Variants in XRCC4 observed in about 807,000 individuals in gnomAD.
The protein encoded by XRCC4 is X-ray repair cross complementing 4.
XRCC4 carries 28 observed loss-of-function variants against 39.1 expected under a neutral mutation model. That is an observed-to-expected ratio of 0.72 (90% CI 0.53 to 0.98). The LOEUF (loss-of-function observed/expected upper bound fraction) is 0.98, where lower values mean the gene tolerates loss of function less well. XRCC4 is among the 50% of genes least tolerant of loss of function. XRCC4 has a pLI of 0.00. For missense variants in XRCC4, 350 were observed against 376.4 expected (o/e 0.93, Z 0.58); for synonymous variants, 123 against 126.4 (o/e 0.97, Z 0.18).
At chr5:83,241,792 A>G (rs775614115) in intron 6 of XRCC4, among the ~76,000 whole-genome samples, 54 of 152,306 alleles carry the variant, frequency 3.5e-4, no homozygotes, top group Non-Finnish European at 6.5e-4. Flanking sequence ...ATACTATTAT[A>G]TATTCTTACA....
At chr5:83,236,453 A>G (rs903322962) in intron 6 of XRCC4, among the ~76,000 whole-genome samples, 3 of 152,164 alleles carry the variant, frequency 2.0e-5, no homozygotes, top group African/African-American at 7.2e-5. Flanking sequence ...AAGGTCACCA[A>G]GAACATACAT....
At chr5:83,133,584 A>C (rs1747719553) in intron 3 of XRCC4, among the ~76,000 whole-genome samples, 1 of 152,128 alleles carries the variant, frequency 6.6e-6, no homozygotes, top group Non-Finnish European at 1.5e-5. Flanking sequence ...AAGCCTCAGC[A>C]ATGGTGGACG....
chr5:83,264,974 G>T (rs373604195), intron 7 of XRCC4, among the ~76,000 whole-genome samples: 6 of 151,996 alleles, frequency 3.9e-5, no homozygotes, highest in African/African-American at 1.4e-4. Flanking sequence ...TGAGTTTTTT[G>T]TTGTTGTTGT....
intron 7 of XRCC4, among the ~76,000 whole-genome samples, chr5:83,289,253 T>C (rs1754833836): frequency 6.6e-6 from 1 of 151,956 alleles, no homozygotes; most frequent in Non-Finnish European, 1.5e-5. Flanking sequence ...AACATCTGTG[T>C]CATATTTGAG....
intron 7 of XRCC4, among the ~76,000 whole-genome samples, chr5:83,294,649 G>T (rs1189934520): frequency 6.6e-6 from 1 of 151,900 alleles, no homozygotes; most frequent in Non-Finnish European, 1.5e-5. Flanking sequence ...GAAGACTTCT[G>T]GTTGCCTTAT....
chr5:83,175,147 TTAC>T (rs1749895971), intron 3 of XRCC4, among the ~76,000 whole-genome samples: 2 of 152,204 alleles, frequency 1.3e-5, no homozygotes, highest in African/African-American at 4.8e-5. Flanking sequence ...AAAACTGAAC[TTAC>T]TACTATTAAC....
rs369027420 is a variant in XRCC4 at position 83,150,472 on chromosome 5, T to C, written c.315+39269T>C. Among the ~76,000 whole-genome samples the C allele has an allele frequency of 1.6e-4, 25 of 152,278 alleles. No homozygotes were observed. In the South Asian group the frequency reaches 5.2e-3, roughly 32 times the overall value. The stretch of plus-strand genomic sequence containing the variant: ...GCATAACAGAGGTCACATGGAGTTC[T>C]GAGTATTTCCCAGATAACTTAACTA... On this transcript the variant is annotated intron_variant, in intron 3 of 7. Transcript: ENST00000396027.
intron 7 of XRCC4, among the ~76,000 whole-genome samples, chr5:83,291,390 A>G (rs1754916036): frequency 6.6e-6 from 1 of 151,520 alleles, no homozygotes; most frequent in East Asian, 1.9e-4. Flanking sequence ...TCTTTAAAAA[A>G]TTGGTCATTT....
intron 1 of XRCC4, among the ~76,000 whole-genome samples, chr5:83,091,274 A>C (rs759939071): frequency 6.6e-6 from 1 of 152,194 alleles, no homozygotes; most frequent in African/African-American, 2.4e-5. Flanking sequence ...CAATCATGGC[A>C]GAAGGAAAAG....
In XRCC4 at chr5:83,348,758, T is replaced by C. The variant is rs146606243; in HGVS notation, c.894-4373T>C. Reference sequence around the variant, plus strand: ...AAATGGGTTTTTCTTTTCTACCATATGGCTAGGCTGCAAAATTTTCAAACT... The same window carrying C: ...AAATGGGTTTTTCTTTTCTACCATACGGCTAGGCTGCAAAATTTTCAAACT... On this transcript the variant is annotated intron_variant, in intron 7 of 7. Coordinates refer to ENST00000396027, the MANE Select transcript of XRCC4 (RefSeq NM_003401.5). 1.4e-4 allele frequency among the ~76,000 whole-genome samples: 21 copies of C among 152,374 alleles called. No homozygotes were observed. In the East Asian group the frequency reaches 4.0e-3, roughly 29 times the overall value.
intron 7 of XRCC4, among the ~76,000 whole-genome samples, chr5:83,304,528 G>T (rs1357824344): frequency 1.3e-5 from 2 of 152,088 alleles, no homozygotes; most frequent in Non-Finnish European, 2.9e-5. Context: ...AATGTCTTTT[G>T]ACATGTGGGT....
chr5:83,090,072 A>G (rs568333867), intron 1 of XRCC4, among the ~76,000 whole-genome samples: 2 of 152,222 alleles, frequency 1.3e-5, no homozygotes, highest in Admixed American at 1.3e-4. Flanking sequence ...TTTTTTTGAG[A>G]CAGGGTTTCA....
At chr5:83,307,533 G>A (rs951353140) in intron 7 of XRCC4, among the ~76,000 whole-genome samples, 3 of 152,270 alleles carry the variant, frequency 2.0e-5, no homozygotes, top group Non-Finnish European at 2.9e-5. Flanking sequence ...TAAGAGACTC[G>A]TAAGCAGAGT....
chr5:83,326,885 C>T (rs529497930), intron 7 of XRCC4, among the ~76,000 whole-genome samples: 2 of 151,922 alleles, frequency 1.3e-5, no homozygotes, highest in Non-Finnish European at 1.5e-5. Context: ...ATTGCTGTTC[C>T]GTGAATATAT....
At chr5:83,374,424 C>T in the XRCC4 span, among the ~76,000 whole-genome samples, 3 of 152,260 alleles carry the variant, frequency 2.0e-5, no homozygotes, top group Admixed American at 6.5e-5. Flanking sequence ...GAGGCCTCCT[C>T]GGCCACATGG....
At chr5:83,338,705 T>G (rs1756664916) in intron 7 of XRCC4, among the ~76,000 whole-genome samples, 1 of 152,162 alleles carries the variant, frequency 6.6e-6, no homozygotes, top group South Asian at 2.1e-4. Context: ...TTCCTCAAAA[T>G]GAACATCAGT....
At chr5:83,313,554 G>T (rs1010197812) in intron 7 of XRCC4, among the ~76,000 whole-genome samples, 1 of 152,034 alleles carries the variant, frequency 6.6e-6, no homozygotes, top group African/African-American at 2.4e-5. Flanking sequence ...TAGGCCTACT[G>T]TGGAGACATA....
intron 7 of XRCC4, among the ~76,000 whole-genome samples, chr5:83,348,837 G>T (rs976226027): frequency 6.6e-6 from 1 of 152,022 alleles, no homozygotes; most frequent in African/African-American, 2.4e-5. Flanking sequence ...TCATTTCTTT[G>T]TTCATACAGA....
At chr5:83,095,935 G>T (rs1745654140) in intron 1 of XRCC4, among the ~76,000 whole-genome samples, 1 of 152,124 alleles carries the variant, frequency 6.6e-6, no homozygotes, top group Non-Finnish European at 1.5e-5. Flanking sequence ...GCCCTTCCAG[G>T]ATCTGCTGTG....
Sources: allele counts gnomAD v4.1 joint callset (sites outside exome capture counted in the v4.1 genomes callset), GRCh38; gene constraint gnomAD v4.1.1; transcripts MANE v1.5; gene names NCBI Gene and HGNC (gene_info 2026-07-23, HGNC 2026-07-21).